The following QTMAN variants were observed in gnomAD, a reference collection of about 807,000 sequenced individuals.
QTMAN encodes tRNA-queuosine alpha-mannosyltransferase.
the QTMAN span, among the ~76,000 whole-genome samples, chr2:144,016,109 T>C: frequency 6.6e-6 from 1 of 152,202 alleles, no homozygotes; most frequent in South Asian, 2.1e-4. Context: ...AGTTAGCAAA[T>C]ATTCATTCAA....
At chr2:144,317,680 A>T in the QTMAN span, 2 of 152,212 alleles carry the variant, frequency 1.3e-5, no homozygotes, top group Non-Finnish European at 2.9e-5. Flanking sequence ...AACTCATCAG[A>T]CAAGGGAGTG....
At chr2:144,079,707 G>T in the QTMAN span, among the ~76,000 whole-genome samples, 5 of 152,006 alleles carry the variant, frequency 3.3e-5, no homozygotes, top group Non-Finnish European at 7.4e-5. Context: ...CCTATTAAAT[G>T]ATTCACACAA....
At chr2:144,313,404 A>G in the QTMAN span, among the ~76,000 whole-genome samples, 5 of 152,330 alleles carry the variant, frequency 3.3e-5, no homozygotes, top group South Asian at 2.1e-4. Flanking sequence ...TCAAAAGTGT[A>G]TAATTCCCCT....
the QTMAN span, chr2:144,177,142 AT>A: frequency 2.8e-6 from 2 of 702,314 alleles, no homozygotes; most frequent in South Asian, 3.0e-5. Flanking sequence ...CACCTGCAAC[AT>A]TGGTGATTAT....
the QTMAN span, among the ~76,000 whole-genome samples, chr2:144,104,855 C>T: frequency 3.9e-5 from 6 of 152,212 alleles, no homozygotes; most frequent in Admixed American, 3.9e-4. Context: ...GGAGGCACCC[C>T]CCAGTAGGGG....
At chr2:144,182,886 TTATATA>T in the QTMAN span, among the ~76,000 whole-genome samples, 2 of 77,120 alleles carry the variant, frequency 2.6e-5, no homozygotes, top group Non-Finnish European at 4.7e-5. Context: ...TATATATATT[TTATATA>T]TATATATATT....
the QTMAN span, among the ~76,000 whole-genome samples, chr2:144,202,800 T>C: frequency 1.3e-5 from 2 of 152,226 alleles, no homozygotes; most frequent in Non-Finnish European, 2.9e-5. Context: ...AATAATGTCT[T>C]GTATCCAGGG....
chr2:143,981,493 G>C, the QTMAN span, among the ~76,000 whole-genome samples: 1 of 152,134 alleles, frequency 6.6e-6, no homozygotes, highest in African/African-American at 2.4e-5. Flanking sequence ...AGATGGGAAA[G>C]AATCTTAATT....
the QTMAN span, among the ~76,000 whole-genome samples, chr2:144,306,067 T>C: frequency 1.3e-5 from 2 of 152,228 alleles, no homozygotes; most frequent in Non-Finnish European, 2.9e-5. Context: ...TTGGCTAGAA[T>C]GTCCAATACA....
At chr2:144,133,665 A>G in the QTMAN span, among the ~76,000 whole-genome samples, 1 of 146,502 alleles carries the variant, frequency 6.8e-6, no homozygotes, top group Non-Finnish European at 1.5e-5. Context: ...ACAACCTAAC[A>G]CAGCATGAAA....
the QTMAN span, among the ~76,000 whole-genome samples, chr2:144,108,736 G>A: frequency 4.0e-5 from 6 of 150,416 alleles, no homozygotes; most frequent in East Asian, 9.7e-4. Context: ...AAATCAATGT[G>A]CAAAAATCAC....
At chr2:144,017,272 G>A in the QTMAN span, among the ~76,000 whole-genome samples, 1 of 151,982 alleles carries the variant, frequency 6.6e-6, no homozygotes, top group Non-Finnish European at 1.5e-5. Flanking sequence ...CAAAGTGCTG[G>A]GATTACAGGT....
the QTMAN span, among the ~76,000 whole-genome samples, chr2:144,124,065 C>G: frequency 1.2e-3 from 185 of 152,202 alleles, no homozygotes; most frequent in Admixed American, 3.8e-3. Context: ...ACAACTCTAT[C>G]CATAATGATT....
chr2:143,940,022 T>A, the QTMAN span: 1 of 152,186 alleles, frequency 6.6e-6, no homozygotes, highest in African/African-American at 2.4e-5. Context: ...CCATCCTACC[T>A]CCCCATTCCA....
chr2:144,228,093 G>A, the QTMAN span, among the ~76,000 whole-genome samples: 2 of 152,070 alleles, frequency 1.3e-5, no homozygotes, highest in Non-Finnish European at 1.5e-5. Context: ...TAAGGATGGT[G>A]GGGAAGCAAG....
chr2:144,035,413 A>G, the QTMAN span, among the ~76,000 whole-genome samples: 2 of 152,342 alleles, frequency 1.3e-5, no homozygotes, highest in Admixed American at 1.3e-4. Context: ...AAGCTCAAGT[A>G]TAACAAAAAT....
chr2:144,257,101 A>C, the QTMAN span, among the ~76,000 whole-genome samples: 3 of 150,684 alleles, frequency 2.0e-5, no homozygotes, highest in Admixed American at 6.6e-5. Context: ...AAAAAAAAAA[A>C]CCAGAACAAA....
At chr2:144,037,977 A>C in the QTMAN span, among the ~76,000 whole-genome samples, 1 of 152,190 alleles carries the variant, frequency 6.6e-6, no homozygotes. Flanking sequence ...TTCAAATCTC[A>C]GCTCTGCCAC....
the QTMAN span, among the ~76,000 whole-genome samples, chr2:144,129,502 T>C: frequency 6.6e-6 from 1 of 152,022 alleles, no homozygotes; most frequent in Non-Finnish European, 1.5e-5. Flanking sequence ...GAAGAACTTC[T>C]ACAATTTTCA....
Sources: allele counts gnomAD v4.1 joint callset (sites outside exome capture counted in the v4.1 genomes callset), GRCh38; gene constraint gnomAD v4.1.1; transcripts MANE v1.5; gene names NCBI Gene and HGNC (gene_info 2026-07-23, HGNC 2026-07-21).